Variants in ADAMTS12 observed in about 807,000 individuals in gnomAD.
ADAMTS12 encodes the protein ADAM metallopeptidase with thrombospondin type 1 motif 12, also known as A disintegrin and metalloproteinase with thrombospondin motifs 12.
A neutral mutation model predicts 167.8 loss-of-function variants in ADAMTS12; 118 were observed. That is an observed-to-expected ratio of 0.70 (90% CI 0.61 to 0.82). The LOEUF is 0.82. Ranked by LOEUF, ADAMTS12 falls within the 40% of genes least tolerant of loss-of-function variation. The probability of loss-of-function intolerance (pLI) is 0.00; values close to 1 mark genes in which losing one functional copy is unlikely to be tolerated. For missense variants in ADAMTS12, 1,916 were observed against 1,998.8 expected, an observed-to-expected ratio of 0.96 and a Z score of 0.79; for synonymous variants, 704 against 716.9, an observed-to-expected ratio of 0.98 and a Z score of 0.29.
intron 3 of ADAMTS12, among the ~76,000 whole-genome samples, chr5:33,685,058 TG>T (rs1742274848): frequency 6.6e-6 from 1 of 152,208 alleles, no homozygotes; most frequent in African/African-American, 2.4e-5. Flanking sequence ...GAAAGAAGCC[TG>T]GGCTGATACA....
At chr5:33,812,959 C>G (rs1190444887) in intron 2 of ADAMTS12, among the ~76,000 whole-genome samples, 6 of 152,142 alleles carry the variant, frequency 3.9e-5, no homozygotes, top group African/African-American at 1.2e-4. Flanking sequence ...CCCAGGCCGC[C>G]AGGAAGAAAG....
intron 2 of ADAMTS12, among the ~76,000 whole-genome samples, chr5:33,828,586 T>TTTGTTGG (rs1456523761): frequency 3.9e-5 from 6 of 152,330 alleles, no homozygotes; most frequent in Middle Eastern, 6.8e-3. Context: ...TCCTACATTT[T>TTTGTTGG]CTTTTGTTGG....
intron 2 of ADAMTS12, among the ~76,000 whole-genome samples, chr5:33,863,403 GCAAA>G (rs1394180449): frequency 2.0e-5 from 3 of 151,994 alleles, no homozygotes; most frequent in Non-Finnish European, 4.4e-5. Context: ...TCCATAATAG[GCAAA>G]CAGAGAGCCA....
chr5:33,758,898 G>T (rs1183109018), intron 2 of ADAMTS12, among the ~76,000 whole-genome samples: 1 of 152,174 alleles, frequency 6.6e-6, no homozygotes, highest in African/African-American at 2.4e-5. Context: ...TGCAAAGTTT[G>T]TGTGTCTCAC....
chr5:33,761,664 C>T (rs781072862), intron 2 of ADAMTS12, among the ~76,000 whole-genome samples: 6 of 152,274 alleles, frequency 3.9e-5, no homozygotes, highest in East Asian at 3.9e-4. Context: ...TACCCACACC[C>T]GCTGTCTCCA....
intron 2 of ADAMTS12, among the ~76,000 whole-genome samples, chr5:33,760,420 A>C (rs981939860): frequency 2.6e-5 from 4 of 152,182 alleles, no homozygotes; most frequent in Non-Finnish European, 5.9e-5. Flanking sequence ...CAGATACTCT[A>C]GCTGAATAAA....
At chr5:33,667,081 G>C (rs1489488408) in intron 5 of ADAMTS12, among the ~76,000 whole-genome samples, 1 of 152,130 alleles carries the variant, frequency 6.6e-6, no homozygotes, top group Non-Finnish European at 1.5e-5. Context: ...GATCACTAAT[G>C]GTTTTCAAGT....
At position 33,649,679 on chromosome 5, in the gene ADAMTS12, A is replaced by G. The variant is rs759907062; in HGVS notation, c.1209T>C (p.Asp403=). The part of the protein sequence containing the change: ...ELGHSFGIQH[D]GKENDCEPVG... ...CAGGCTCACAGTCATTTTCTTTCCC[A>G]TCATGCTGGATGCCGAAGCTGGCAG... Residue 403 remains aspartate, a synonymous_variant, in exon 8 of 24, where the codon GAT becomes GAC. Transcript: ENST00000504830. The G allele has an allele frequency of 3.1e-6, 5 of 1,613,736 alleles. No homozygotes were observed. Among genetic ancestry groups the G allele is most frequent in the Non-Finnish European group, 3.4e-6 (4 of 1,179,850 alleles).
chr5:33,616,125 T>A, intron 14 of ADAMTS12, 53 bp from the exon 15 acceptor site: 2 of 1,597,258 alleles, frequency 1.3e-6, no homozygotes, highest in Non-Finnish European at 1.7e-6. Context: ...CTCAGCTGAA[T>A]GCAATCTGTT....
intron 12 of ADAMTS12, among the ~76,000 whole-genome samples, chr5:33,636,489 G>A (rs6868223): frequency 0.53 from 80,793 of 152,016 alleles, 22,908 homozygotes; most frequent in Non-Finnish European, 0.62. Flanking sequence ...GACACCAAAC[G>A]ATTGGGGGCA....
In ADAMTS12 at chr5:33,786,596, C is replaced by G. The variant is rs113827993; in HGVS notation, c.490-35048G>C. Among the ~76,000 whole-genome samples, 764 of 152,146 alleles carry G rather than the reference C, an allele frequency of 5.0e-3. 4 individuals carry two copies. The highest frequency in any genetic ancestry group is 0.017 in the African/African-American group (726 of 41,526). On this transcript the variant is annotated intron_variant, in intron 2 of 23. Transcript: ENST00000504830. ...AATGATTCTGATATGCATTGCCTCC[C>G]AAGCATATTACCCCTGAGAACCTCT...
At chr5:33,699,180 AT>A (rs1742898442) in intron 3 of ADAMTS12, among the ~76,000 whole-genome samples, 1 of 152,158 alleles carries the variant, frequency 6.6e-6, no homozygotes, top group Non-Finnish European at 1.5e-5. Context: ...ATAAAAATAA[AT>A]AAAAATAAAA....
chr5:33,609,664 A>G, intron 16 of ADAMTS12, among the ~76,000 whole-genome samples: 1 of 152,188 alleles, frequency 6.6e-6, no homozygotes, highest in East Asian at 1.9e-4. Context: ...GTTCTGCTTA[A>G]TGTAAATAAG....
At chr5:33,847,900 A>T (rs921127060) in intron 2 of ADAMTS12, among the ~76,000 whole-genome samples, 3 of 152,014 alleles carry the variant, frequency 2.0e-5, no homozygotes, top group Non-Finnish European at 2.9e-5. Flanking sequence ...GTTTCCAAGG[A>T]TATCCTCTCC....
chr5:33,727,093 C>T (rs895592189), intron 3 of ADAMTS12, among the ~76,000 whole-genome samples: 12 of 152,216 alleles, frequency 7.9e-5, no homozygotes, highest in Admixed American at 2.0e-4. Flanking sequence ...CTCCTGGAGG[C>T]GCAAGGCAGT....
chr5:33,852,767 T>C (rs1213898975), intron 2 of ADAMTS12, among the ~76,000 whole-genome samples: 1 of 152,206 alleles, frequency 6.6e-6, no homozygotes, highest in East Asian at 1.9e-4. Context: ...GGAAAAAAGC[T>C]AAGAAGGTCA....
intron 16 of ADAMTS12, among the ~76,000 whole-genome samples, chr5:33,599,619 C>T (rs539357662): frequency 8.5e-5 from 13 of 152,262 alleles, no homozygotes; most frequent in Admixed American, 3.9e-4. Context: ...CAGTAAATTA[C>T]CTTTCTTAAT....
intron 13 of ADAMTS12, 73 bp from the exon 14 acceptor site, chr5:33,624,424 C>T: frequency 6.3e-7 from 1 of 1,595,124 alleles, no homozygotes. Context: ...GTGACTTCTT[C>T]TTTCCCCTTT....
chr5:33,619,797 C>T lies in ADAMTS12; in HGVS notation c.2144-3725G>A, dbSNP rs527502332. Among the ~76,000 whole-genome samples, 7 of 152,270 alleles carry T rather than the reference C, an allele frequency of 4.6e-5. No individual in the cohort carries two copies. The South Asian group carries it at 1.0e-3, about 23-fold the overall frequency. On this transcript the variant is annotated intron_variant, in intron 14 of 23. Coordinates refer to ENST00000504830, the MANE Select transcript of ADAMTS12 (RefSeq NM_030955.4). ...GCAACCTCCGCCTCTTGGGTTCAAG[C>T]GATTCTCCTGCCTCAGCCTCCTGAG...
Sources: gnomAD v4.1 joint callset for allele counts (sites outside exome capture counted in the v4.1 genomes callset) on GRCh38, gnomAD v4.1.1 for gene constraint, MANE v1.5 for transcripts, NCBI Gene and HGNC (gene_info 2026-07-23, HGNC 2026-07-21) for gene names.